The following IFT81 variants were observed in gnomAD, a reference collection of about 807,000 sequenced individuals.
The protein encoded by IFT81 is intraflagellar transport 81, also known as intraflagellar transport protein 81 homolog.
A neutral mutation model predicts 102.6 loss-of-function variants in IFT81; 72 were observed. The ratio of observed to expected loss-of-function variants is 0.70; its 90% CI spans 0.58 to 0.85. The LOEUF (loss-of-function observed/expected upper bound fraction) is 0.85. Among genes scored for constraint, IFT81 ranks in the 40% least tolerant of loss-of-function variants. The pLI, the probability that IFT81 is intolerant of heterozygous loss-of-function variation, is 0.00. For missense variants in IFT81, 723 were observed against 787.3 expected (o/e 0.92, Z 0.98); for synonymous variants, 237 against 242.7 (o/e 0.98, Z 0.22).
intron 11 of IFT81, among the ~76,000 whole-genome samples, chr12:110,165,173 C>CGGAAAA (rs1430916213): frequency 1.3e-5 from 2 of 151,064 alleles, no homozygotes; most frequent in Admixed American, 6.6e-5. Context: ...AATGTCTGGT[C>CGGAAAA]GGAAAAGAAC....
intron 11 of IFT81, among the ~76,000 whole-genome samples, chr12:110,173,328 C>T (rs1269415694): frequency 3.4e-5 from 5 of 146,156 alleles, no homozygotes; most frequent in Non-Finnish European, 6.1e-5. Flanking sequence ...CCACCCCGTC[C>T]GGGAGGGAGG....
intron 10 of IFT81, among the ~76,000 whole-genome samples, chr12:110,150,825 A>AT (rs915798306): frequency 1.3e-5 from 2 of 152,084 alleles, no homozygotes; most frequent in African/African-American, 4.8e-5. Flanking sequence ...CCACATAGGT[A>AT]TTTTTTAAAT....
intron 11 of IFT81, among the ~76,000 whole-genome samples, chr12:110,164,657 G>A (rs561527155): frequency 1.3e-5 from 2 of 152,084 alleles, no homozygotes; most frequent in Non-Finnish European, 2.9e-5. Context: ...CCCTCCCAAT[G>A]TGCCTTTTAG....
intron 12 of IFT81, among the ~76,000 whole-genome samples, chr12:110,189,572 C>T (rs1460002278): frequency 1.3e-5 from 2 of 152,182 alleles, no homozygotes; most frequent in African/African-American, 2.4e-5. Flanking sequence ...TGGTCTCAAA[C>T]TCCTGACCTT....
At chr12:110,198,277 TTTC>T (rs1030376073) in intron 14 of IFT81, among the ~76,000 whole-genome samples, 3 of 152,128 alleles carry the variant, frequency 2.0e-5, no homozygotes, top group Admixed American at 6.5e-5. Flanking sequence ...ATCTTTTTTT[TTTC>T]TTCTTTTAAA....
chr12:110,206,542 G>A (rs1868649053), intron 17 of IFT81, among the ~76,000 whole-genome samples: 1 of 152,136 alleles, frequency 6.6e-6, no homozygotes, highest in Non-Finnish European at 1.5e-5. Context: ...GGGCATGGTG[G>A]TGGGCGCCCG....
intron 4 of IFT81, among the ~76,000 whole-genome samples, chr12:110,132,331 G>A (rs866632531): frequency 2.6e-5 from 4 of 151,990 alleles, no homozygotes; most frequent in East Asian, 3.9e-4. Context: ...GTGGTGGCGC[G>A]CGCATGTAAT....
chr12:110,211,788 C>T (rs992414775), intron 18 of IFT81, among the ~76,000 whole-genome samples: 3 of 152,018 alleles, frequency 2.0e-5, no homozygotes, highest in Non-Finnish European at 2.9e-5. Context: ...ATTACAGGCA[C>T]AAGCCACTGC....
chr12:110,197,248 G>GTAGATAGA (rs57797208), intron 14 of IFT81, among the ~76,000 whole-genome samples: 2,008 of 147,136 alleles, frequency 0.014, 16 homozygotes, highest in African/African-American at 0.026. Context: ...AGGTAGGTAG[G>GTAGATAGA]TAGATAGATA....
In IFT81 at chr12:110,200,508, C is replaced by T. The variant is rs113409230; in HGVS notation, c.1558-3356C>T. Among the ~76,000 whole-genome samples the T allele has an allele frequency of 2.0e-3, 310 of 152,130 alleles. 3 individuals carry two copies. Among genetic ancestry groups the T allele is most frequent in the African/African-American group, 7.0e-3 (291 of 41,480 alleles). On this transcript the variant is annotated intron_variant, in intron 14 of 18. Coordinates refer to ENST00000242591, the MANE Select transcript of IFT81 (RefSeq NM_014055.4). ...GAGCTTGCAGGACTGGAAGTTTCTC[C>T]GGTTGAGTCAATGAGTGAGTGGTAA...
In IFT81 at chr12:110,124,861, G is replaced by A. The variant is rs1893737087; in HGVS notation, c.-22G>A. The A allele has an allele frequency of 6.6e-6, 1 of 152,290 alleles. No individual in the cohort carries two copies. The highest frequency in any genetic ancestry group is 2.1e-4 in the South Asian group (1 of 4,834). 9.4% of individuals were successfully genotyped at this position (152,290 alleles called of 1,614,324 possible). A position where few individuals can be genotyped will look rare whatever the true frequency, so the allele number is the denominator to read the frequency against. On this transcript the variant is annotated splice_region_variant and 5_prime_UTR_variant, in exon 1 of 19. An upstream open reading frame in the 5' UTR gains an earlier in-frame stop. Transcript: ENST00000242591. ...CCCCGCCTCCTGCGACTCGTTTGTG[G>A]GTGAGTGCTTGGGAATTAGCGCGGC... is the stretch of plus-strand genomic sequence containing the variant.
At chr12:110,154,574 T>A (rs1193230681) in intron 10 of IFT81, among the ~76,000 whole-genome samples, 1 of 141,214 alleles carries the variant, frequency 7.1e-6, no homozygotes, top group African/African-American at 2.7e-5. Flanking sequence ...TTGCAGTGAG[T>A]CAAGATCATG....
At chr12:110,164,683 G>A (rs1896337577) in intron 11 of IFT81, among the ~76,000 whole-genome samples, 1 of 152,130 alleles carries the variant, frequency 6.6e-6, no homozygotes, top group Admixed American at 6.6e-5. Flanking sequence ...TGGGGAAGTA[G>A]TAGATTCAGG....
chr12:110,127,830 C>T (rs2137291521), intron 2 of IFT81, among the ~76,000 whole-genome samples: 1 of 152,312 alleles, frequency 6.6e-6, no homozygotes, highest in South Asian at 2.1e-4. Flanking sequence ...GTCCATTCCA[C>T]TGGATACTTT....
At chr12:110,137,342 C>T (rs1894581483) in intron 8 of IFT81, among the ~76,000 whole-genome samples, 1 of 149,658 alleles carries the variant, frequency 6.7e-6, no homozygotes, top group African/African-American at 2.5e-5. Context: ...TCCATCTTAA[C>T]AGCAACAACA....
At chr12:110,142,272 A>G (rs73413296) in intron 8 of IFT81, among the ~76,000 whole-genome samples, 83 of 152,058 alleles carry the variant, frequency 5.5e-4, no homozygotes, top group African/African-American at 1.9e-3. Context: ...GGTTCAAGCG[A>G]TCCTTGTTCC....
intron 12 of IFT81, among the ~76,000 whole-genome samples, chr12:110,184,448 A>G (rs1169368518): frequency 3.3e-5 from 5 of 152,224 alleles, no homozygotes; most frequent in South Asian, 2.1e-4. Flanking sequence ...CCCCAGTTCC[A>G]TAGTCCTTAT....
At chr12:110,146,421 A>G (rs972143448) in intron 9 of IFT81, among the ~76,000 whole-genome samples, 3 of 152,200 alleles carry the variant, frequency 2.0e-5, no homozygotes, top group African/African-American at 7.2e-5. Flanking sequence ...TTGCTTTATC[A>G]CTTTCAGTGA....
At chr12:110,215,453 CTTTTTTTTTTT>C (rs556887393) in intron 18 of IFT81, among the ~76,000 whole-genome samples, 9 of 61,934 alleles carry the variant, frequency 1.5e-4, no homozygotes, top group South Asian at 5.6e-4. Context: ...TCTTCTTCTT[CTTTTTTTTTTT>C]TTTTTTTTTT....
Sources: gnomAD v4.1 joint callset for allele counts (sites outside exome capture counted in the v4.1 genomes callset) on GRCh38, gnomAD v4.1.1 for gene constraint, MANE v1.5 for transcripts, NCBI Gene and HGNC (gene_info 2026-07-23, HGNC 2026-07-21) for gene names.